TEX2: variants seen among roughly 807,000 people sequenced by gnomAD.
TEX2 encodes testis expressed 2.
Under a neutral mutation model 106.9 loss-of-function variants are expected in TEX2, and 53 were observed. The observed-to-expected ratio is 0.50, with a 90% confidence interval of 0.40 to 0.62. TEX2 has a LOEUF of 0.62. TEX2 is among the 20% of genes least tolerant of loss of function. The pLI, the probability that TEX2 is intolerant of heterozygous loss-of-function variation, is 0.00. For synonymous variants in TEX2, 523 were observed against 534.8 expected (o/e 0.98, Z 0.30); for missense variants, 1,207 against 1,379.0 (o/e 0.88, Z 1.98).
chr17:64,162,387 TG>T (rs2065183232), intron 7 of TEX2, among the ~76,000 whole-genome samples: 3 of 152,218 alleles, frequency 2.0e-5, no homozygotes, highest in African/African-American at 7.2e-5. Flanking sequence ...TATTTATTGT[TG>T]TATAGTATTT....
chr17:64,227,788 C>A (rs1162639158), intron 1 of TEX2, among the ~76,000 whole-genome samples: 1 of 152,196 alleles, frequency 6.6e-6, no homozygotes, highest in Non-Finnish European at 1.5e-5. Flanking sequence ...TTCTTTTCAT[C>A]TGTAAAATGG....
intron 5 of TEX2, among the ~76,000 whole-genome samples, chr17:64,184,378 AG>A (rs1398544881): frequency 6.6e-6 from 1 of 152,174 alleles, no homozygotes; most frequent in Non-Finnish European, 1.5e-5. Flanking sequence ...CTCAGATTAT[AG>A]GCGTGAGCCA....
chr17:64,155,669 A>G (rs1333073363), intron 8 of TEX2: 1 of 152,222 alleles, frequency 6.6e-6, no homozygotes. Flanking sequence ...TCTAAAGACC[A>G]TTCCTTTGAC....
intron 1 of TEX2, among the ~76,000 whole-genome samples, chr17:64,251,889 A>G (rs1555637041): frequency 6.6e-6 from 1 of 152,202 alleles, no homozygotes. Flanking sequence ...AACACCCCCG[A>G]CAGGCAAAGT....
intron 7 of TEX2, among the ~76,000 whole-genome samples, chr17:64,165,568 G>A (rs1567911420): frequency 6.6e-6 from 1 of 152,374 alleles, no homozygotes; most frequent in South Asian, 2.1e-4. Context: ...CCCAGTGGCT[G>A]TAGCTGCCCT....
At chr17:64,200,431 C>G (rs559630444) in intron 2 of TEX2, among the ~76,000 whole-genome samples, 1 of 152,310 alleles carries the variant, frequency 6.6e-6, no homozygotes, top group South Asian at 2.1e-4. Flanking sequence ...CAAAGCCAGG[C>G]ATTCAACCCA....
chr17:64,171,003 A>G, intron 7 of TEX2, 97 bp downstream of exon 7: 1 of 942,720 alleles, frequency 1.1e-6, no homozygotes, highest in Non-Finnish European at 1.7e-6. Context: ...ATGATTTAAA[A>G]AGTCCTCAAC....
intron 1 of TEX2, among the ~76,000 whole-genome samples, chr17:64,252,925 G>C (rs961532497): frequency 2.6e-5 from 4 of 152,126 alleles, no homozygotes; most frequent in African/African-American, 9.7e-5. Flanking sequence ...AGAGGGTTCA[G>C]CTCCTAAAAA....
intron 1 of TEX2, among the ~76,000 whole-genome samples, chr17:64,227,170 G>A (rs545676152): frequency 1.2e-3 from 176 of 150,478 alleles, no homozygotes; most frequent in Non-Finnish European, 1.2e-3. Context: ...AGGTTACAGT[G>A]AGCTGAGATC....
At chr17:64,226,009 T>C (rs1446959462) in intron 1 of TEX2, among the ~76,000 whole-genome samples, 3 of 152,198 alleles carry the variant, frequency 2.0e-5, no homozygotes, top group African/African-American at 7.2e-5. Flanking sequence ...GAAGCCACCA[T>C]GCCTAGCCAA....
intron 6 of TEX2, among the ~76,000 whole-genome samples, chr17:64,171,616 A>C (rs2031403148): frequency 6.6e-6 from 1 of 152,096 alleles, no homozygotes; most frequent in Admixed American, 6.5e-5. Context: ...ATGCTGGTTA[A>C]CAGTACCCCA....
At chr17:64,179,512 G>C (rs1269817580) in intron 5 of TEX2, among the ~76,000 whole-genome samples, 2 of 152,230 alleles carry the variant, frequency 1.3e-5, no homozygotes, top group East Asian at 3.9e-4. Context: ...CTCACTCTTT[G>C]GGTCCGTGCC....
chr17:64,171,995 A>G (rs1598136725), intron 6 of TEX2, among the ~76,000 whole-genome samples: 1 of 139,508 alleles, frequency 7.2e-6, no homozygotes, highest in Non-Finnish European at 1.6e-5. Context: ...AAAAAAAAAA[A>G]GAAAAGAAGA....
chr17:64,228,917 T>C (rs1301203397), intron 1 of TEX2, among the ~76,000 whole-genome samples: 1 of 135,414 alleles, frequency 7.4e-6, no homozygotes, highest in African/African-American at 2.7e-5. Context: ...CCTATACCTA[T>C]GGACTGACAG....
rs1555632133 is a variant in TEX2 at position 64,213,682 on chromosome 17, G to T, written c.536C>A (p.Thr179Asn). The T allele has an allele frequency of 6.2e-7, 1 of 1,614,080 alleles. No individual in the cohort carries two copies. The highest frequency in any genetic ancestry group is 1.3e-5 in the African/African-American group (1 of 74,934). ...KSPILSSSAS[T>N]STLSSAKPFM... ...GGGTTTTGCACTGGAAAGGGTGGAG[G>T]TTGAGGCACTGGATGAGAGGATGGG... Residue 179 changes from threonine to asparagine, a missense_variant, in exon 2 of 12, where the codon ACC (threonine) becomes AAC (asparagine). Thr to Asn is a moderately conservative substitution (Grantham distance 65, BLOSUM62 0). Around this residue, in one of 3 missense-constraint regions of TEX2, gnomAD observed 1,067 missense variants for 1,193.6 expected, o/e 0.89. Coordinates refer to ENST00000584379, the MANE Select transcript of TEX2 (RefSeq NM_001288732.2). The surrounding 1 kb of genome is among the most constrained non-coding windows in gnomAD (Gnocchi z 4.4).
At chr17:64,186,653 CA>C (rs1414870253) in intron 5 of TEX2, among the ~76,000 whole-genome samples, 2 of 152,064 alleles carry the variant, frequency 1.3e-5, no homozygotes. Context: ...CCCATCTCTA[CA>C]AAAAATACAA....
intron 1 of TEX2, among the ~76,000 whole-genome samples, chr17:64,243,232 T>A (rs1162494998): frequency 1.3e-5 from 2 of 152,076 alleles, no homozygotes; most frequent in Non-Finnish European, 2.9e-5. Context: ...CGGCCAAAAA[T>A]TTTTTTAAAG....
intron 5 of TEX2, among the ~76,000 whole-genome samples, chr17:64,183,664 G>T (rs974311157): frequency 1.4e-4 from 22 of 152,322 alleles, no homozygotes; most frequent in African/African-American, 5.1e-4. Context: ...CTGAGCTCAG[G>T]CAGTCCACCC....
chr17:64,214,402 A>C (rs1555632344), intron 1 of TEX2, among the ~76,000 whole-genome samples, 160 bp from the exon 2 acceptor site: 2 of 152,172 alleles, frequency 1.3e-5, no homozygotes, highest in Non-Finnish European at 1.5e-5. Flanking sequence ...TAATGGTTTA[A>C]TTTTCACTAA....
Sources: gnomAD v4.1 joint callset for allele counts (sites outside exome capture counted in the v4.1 genomes callset) on GRCh38, gnomAD v4.1.1 for gene constraint, gnomAD v4.1.1 regional missense constraint, Gnocchi (gnomAD v3.1) non-coding constraint, MANE v1.5 for transcripts, NCBI Gene and HGNC (gene_info 2026-07-23, HGNC 2026-07-21) for gene names.